LATS2: variants seen among roughly 807,000 people sequenced by gnomAD.
LATS2 encodes the protein serine/threonine-protein kinase LATS2.
A neutral mutation model predicts 76.0 loss-of-function variants in LATS2; 24 were observed. That is an observed-to-expected ratio of 0.32 (90% CI 0.23 to 0.44). LATS2 has a LOEUF of 0.44. Among genes scored for constraint, LATS2 ranks in the 20% least tolerant of loss-of-function variants. The pLI, the probability that LATS2 is intolerant of heterozygous loss-of-function variation, is 1.00. For synonymous variants in LATS2, 692 were observed against 635.4 expected, an observed-to-expected ratio of 1.09 and a Z score of -1.34; for missense variants, 1,286 against 1,481.2, an observed-to-expected ratio of 0.87 and a Z score of 2.16.
chr13:20,995,956 T>G (rs1466884548), intron 2 of LATS2, among the ~76,000 whole-genome samples: 1 of 152,200 alleles, frequency 6.6e-6, no homozygotes, highest in African/African-American at 2.4e-5. Flanking sequence ...AGAAAATCCC[T>G]CACACACTAA....
chr13:21,018,562 A>G (rs897616489), intron 2 of LATS2, among the ~76,000 whole-genome samples: 1 of 152,254 alleles, frequency 6.6e-6, no homozygotes, highest in Non-Finnish European at 1.5e-5. Context: ...AGGTCCAGGA[A>G]GACTGTGGTC....
chr13:21,014,470 G>A (rs1199283230), intron 2 of LATS2, among the ~76,000 whole-genome samples: 2 of 152,144 alleles, frequency 1.3e-5, no homozygotes, highest in African/African-American at 2.4e-5. Context: ...CTTGGCTAAG[G>A]AACTGCCATA....
At position 20,974,077 on chromosome 13, in the gene LATS2, G is replaced by A. The variant is rs556592825; in HGVS notation, c.*793C>T. On this transcript the variant is annotated 3_prime_UTR_variant, in exon 8 of 8. Transcript: ENST00000382592. ...AAACAGTAAGAGATACAATCATAGCGAAGAGGTCACCCGCACAATACATTA... is the reference window on the plus strand; with the variant it reads ...AAACAGTAAGAGATACAATCATAGCAAAGAGGTCACCCGCACAATACATTA... 14 of 222,768 alleles carry A rather than the reference G, an allele frequency of 6.3e-5. No individual in the cohort carries two copies. The highest frequency in any genetic ancestry group is 5.3e-4 in the Admixed American group (9 of 17,024). The allele number at this position is 222,768 out of a possible 1,614,324, so 13.8% of individuals were successfully genotyped here.
chr13:21,041,817 C>T (rs1872890460), intron 2 of LATS2, among the ~76,000 whole-genome samples: 1 of 152,104 alleles, frequency 6.6e-6, no homozygotes, highest in South Asian at 2.1e-4. Context: ...TGAATTGGAA[C>T]CTCACCCTCA....
chr13:20,978,662 C>T (rs1869735744), intron 7 of LATS2, among the ~76,000 whole-genome samples: 1 of 152,154 alleles, frequency 6.6e-6, no homozygotes, highest in South Asian at 2.1e-4. Context: ...AAGGCCAATG[C>T]CTCCCCTTCC....
Position 21,045,741 on chromosome 13 carries a change from C to A in LATS2, c.286G>T (p.Ala96Ser). Residue 96 changes from alanine to serine, a missense_variant, in exon 2 of 8, where the codon GCT (alanine) becomes TCT (serine). This residue lies in a region of LATS2 where 101 missense variants were observed against 141.4 expected (regional missense o/e 0.71). Transcript: ENST00000382592. ...PFANESGTSA[A>S]AEVNRQMLQE... is the part of the protein sequence containing the mutation. Reference sequence around the variant, plus strand: ...AGCATTTGCCGGTTCACTTCTGCAGCTGCAGAGGTGCCCGATTCATTAGCA... The same window carrying A: ...AGCATTTGCCGGTTCACTTCTGCAGATGCAGAGGTGCCCGATTCATTAGCA... The A allele has an allele frequency of 6.2e-7, 1 of 1,614,244 alleles. No homozygotes were observed. The highest frequency in any genetic ancestry group is 8.5e-7 in the Non-Finnish European group (1 of 1,180,048).
chr13:21,016,070 A>G (rs1440390034), intron 2 of LATS2, among the ~76,000 whole-genome samples: 2 of 149,522 alleles, frequency 1.3e-5, no homozygotes, highest in Non-Finnish European at 3.0e-5. Context: ...GCTCACTGCA[A>G]CCTCCGCCTC....
chr13:20,991,947 G>A lies in LATS2; in HGVS notation c.343-543C>T, dbSNP rs562357909. Among the ~76,000 whole-genome samples the A allele has an allele frequency of 1.3e-5, 2 of 152,272 alleles. No homozygotes were observed. Among genetic ancestry groups the A allele is most frequent in the South Asian group, 2.1e-4 (1 of 4,824 alleles). On this transcript the variant is annotated intron_variant, in intron 2 of 7. Transcript: ENST00000382592. This position sits in a 1 kb window ranked among gnomAD's most constrained non-coding sequence, Gnocchi z 4.9. ...GGACTGGCCCTTAGAGATCTGACTC[G>A]TAGAAGAAAGAAAGGAGACAAAACA...
intron 1 of LATS2, among the ~76,000 whole-genome samples, chr13:21,055,544 C>A (rs897776694): frequency 6.6e-6 from 1 of 152,200 alleles, no homozygotes; most frequent in Non-Finnish European, 1.5e-5. Flanking sequence ...TTTAAGCATG[C>A]CTTTAATTTG....
intron 2 of LATS2, among the ~76,000 whole-genome samples, chr13:21,024,982 C>T (rs1214170204): frequency 6.6e-6 from 1 of 152,142 alleles, no homozygotes; most frequent in Admixed American, 6.5e-5. Context: ...AGGCTTCCCC[C>T]ATAACTTTTT....
chr13:20,995,142 G>A (rs1173750616), intron 2 of LATS2, among the ~76,000 whole-genome samples: 1 of 152,128 alleles, frequency 6.6e-6, no homozygotes, highest in East Asian at 1.9e-4. Context: ...TGTCATGCTT[G>A]GGCATCAGCA....
chr13:20,998,778 G>T (rs1367749497), intron 2 of LATS2, among the ~76,000 whole-genome samples: 2 of 146,990 alleles, frequency 1.4e-5, no homozygotes, highest in Admixed American at 7.0e-5. Context: ...ACCTTGGGCT[G>T]GTGGGGCAGA....
intron 1 of LATS2, among the ~76,000 whole-genome samples, chr13:21,049,168 C>A (rs1296598440): frequency 6.6e-6 from 1 of 152,130 alleles, no homozygotes; most frequent in African/African-American, 2.4e-5. Context: ...GGTCAAAGGA[C>A]TCGGGGGTAG....
At chr13:21,014,954 A>T (rs1008417747) in intron 2 of LATS2, among the ~76,000 whole-genome samples, 1 of 152,200 alleles carries the variant, frequency 6.6e-6, no homozygotes, top group Non-Finnish European at 1.5e-5. Flanking sequence ...TGGCAGGTTG[A>T]TGAGCCTCAA....
chr13:21,042,762 G>A (rs1872924712), intron 2 of LATS2, among the ~76,000 whole-genome samples: 1 of 151,812 alleles, frequency 6.6e-6, no homozygotes, highest in Non-Finnish European at 1.5e-5. Flanking sequence ...GCCTAAGAGG[G>A]CGGATCACAA....
chr13:21,012,685 A>AT (rs1030536483), intron 2 of LATS2, among the ~76,000 whole-genome samples: 14 of 152,150 alleles, frequency 9.2e-5, no homozygotes, highest in African/African-American at 3.1e-4. Context: ...CGCTTTGCAG[A>AT]TTTTTTAAGG....
intron 2 of LATS2, among the ~76,000 whole-genome samples, chr13:20,993,776 C>T (rs1055256247): frequency 1.6e-4 from 24 of 152,198 alleles, no homozygotes; most frequent in African/African-American, 5.3e-4. Context: ...ACTTCGGGAG[C>T]TATGCGATGA....
intron 1 of LATS2, among the ~76,000 whole-genome samples, chr13:21,047,990 A>G (rs1455841332): frequency 6.6e-6 from 1 of 152,238 alleles, no homozygotes; most frequent in East Asian, 1.9e-4. Context: ...ATAATATAGT[A>G]AAGTCACTGA....
intron 1 of LATS2, among the ~76,000 whole-genome samples, chr13:21,051,943 C>T (rs1873285442): frequency 6.6e-6 from 1 of 152,106 alleles, no homozygotes; most frequent in Non-Finnish European, 1.5e-5. Flanking sequence ...GGAGTCAGAG[C>T]AAGACCCTGT....
Sources: gnomAD v4.1 joint callset for allele counts (sites outside exome capture counted in the v4.1 genomes callset) on GRCh38, gnomAD v4.1.1 for gene constraint, gnomAD v4.1.1 regional missense constraint, Gnocchi (gnomAD v3.1) non-coding constraint, MANE v1.5 for transcripts, NCBI Gene and HGNC (gene_info 2026-07-23, HGNC 2026-07-21) for gene names.